The following PDE9A variants were observed in gnomAD, a reference collection of about 807,000 sequenced individuals.
PDE9A encodes the protein phosphodiesterase 9A.
In PDE9A, 60 loss-of-function variants were observed where a neutral mutation model predicts 87.4. The ratio of observed to expected loss-of-function variants is 0.69; its 90% CI spans 0.56 to 0.85. The LOEUF (loss-of-function observed/expected upper bound fraction) is 0.85. PDE9A is among the 40% of genes least tolerant of loss of function. The pLI is 0.00. For synonymous variants in PDE9A, 272 were observed against 279.4 expected (o/e 0.97, Z 0.27); for missense variants, 665 against 779.0 (o/e 0.85, Z 1.74).
chr21:42,699,700 C>T (rs982238392), intron 4 of PDE9A, among the ~76,000 whole-genome samples: 4 of 151,876 alleles, frequency 2.6e-5, no homozygotes, highest in African/African-American at 9.7e-5. Context: ...GGATTACAGG[C>T]GTGCACCACC....
chr21:42,766,582 C>T (rs1602565242), intron 15 of PDE9A, among the ~76,000 whole-genome samples: 1 of 152,208 alleles, frequency 6.6e-6, no homozygotes, highest in Non-Finnish European at 1.5e-5. Flanking sequence ...CTCTCTGGAG[C>T]TGAGGTGCAG....
intron 1 of PDE9A, among the ~76,000 whole-genome samples, chr21:42,658,520 G>A (rs2057260408): frequency 6.6e-6 from 1 of 152,194 alleles, no homozygotes; most frequent in Non-Finnish European, 1.5e-5. Context: ...TCCTGCCCAC[G>A]ACATGGTCAA....
rs371936659 is a variant in PDE9A at position 42,693,588 on chromosome 21, C to CTT, written c.219-5360_219-5359dup. Reference sequence around the variant, plus strand: ...TACAGGCGTGAGCCACCGCGTCCTACTTTTTTTTTTTTTTTTTTTTTGAGA... The same window carrying CTT: ...TACAGGCGTGAGCCACCGCGTCCTACTTTTTTTTTTTTTTTTTTTTTTTGAGA... On this transcript the variant is annotated intron_variant, in intron 3 of 19. Transcript: ENST00000291539. 1.3e-3 allele frequency among the ~76,000 whole-genome samples: 159 copies of CTT among 124,366 alleles called. 1 individual carries two copies. The highest frequency in any genetic ancestry group is 4.2e-3 in the African/African-American group (128 of 30,714). 81.6% of individuals were successfully genotyped at this position (124,366 alleles called of 152,430 possible).
chr21:42,737,553 G>A (rs550947819), intron 7 of PDE9A, among the ~76,000 whole-genome samples: 52 of 152,292 alleles, frequency 3.4e-4, no homozygotes, highest in African/African-American at 9.4e-4. Context: ...TCTGCCCCCC[G>A]AAGACAGGAC....
At chr21:42,699,560 T>C (rs533083123) in intron 4 of PDE9A, among the ~76,000 whole-genome samples, 4 of 102,906 alleles carry the variant, frequency 3.9e-5, no homozygotes, top group African/African-American at 9.4e-5. Context: ...TTTTCTTTTT[T>C]TTTTTTTAAA....
intron 1 of PDE9A, among the ~76,000 whole-genome samples, chr21:42,676,476 C>CT (rs752531879): frequency 1.8e-4 from 28 of 152,212 alleles, no homozygotes; most frequent in Non-Finnish European, 4.0e-4. Context: ...AATCTGTTCT[C>CT]TATCTCTTCA....
At chr21:42,698,712 G>A (rs1410578175) in intron 3 of PDE9A, among the ~76,000 whole-genome samples, 2 of 152,140 alleles carry the variant, frequency 1.3e-5, no homozygotes, top group South Asian at 2.1e-4. Context: ...ATCGGCAGTA[G>A]TACCCATGAC....
chr21:42,769,593 C>T lies in PDE9A; in HGVS notation c.1590+438C>T, dbSNP rs2056796171. Among the ~76,000 whole-genome samples the T allele has an allele frequency of 2.0e-5, 3 of 150,906 alleles. 1 individual carries two copies. The highest frequency in any genetic ancestry group is 6.6e-5 in the Admixed American group (1 of 15,190). On this transcript the variant is annotated intron_variant, in intron 17 of 19. Coordinates refer to ENST00000291539, the MANE Select transcript of PDE9A (RefSeq NM_002606.3). The stretch of plus-strand genomic sequence containing the variant: ...ACACACACATGCACACAGGTACACA[C>T]AGGCACACAAATGCACATGCAGGTA...
At chr21:42,687,171 G>A (rs1009171491) in intron 2 of PDE9A, among the ~76,000 whole-genome samples, 3 of 152,222 alleles carry the variant, frequency 2.0e-5, no homozygotes, top group African/African-American at 7.2e-5. Flanking sequence ...AGTTAGGACG[G>A]AGGTGGAGAA....
chr21:42,705,948 A>G lies in PDE9A; in HGVS notation c.262+6937A>G, dbSNP rs990052298. On this transcript the variant is annotated intron_variant, in intron 4 of 19. Transcript: ENST00000291539. The surrounding 1 kb of genome is among the most constrained non-coding windows in gnomAD (Gnocchi z 4.3). ...GACTCGGAGGCTTCCAGTTCCCAGC[A>G]GCTTTATTGGCGTTGCTGTTTCCAT... Among the ~76,000 whole-genome samples the G allele has an allele frequency of 3.3e-5, 5 of 152,232 alleles. No individual in the cohort carries two copies. The highest frequency in any genetic ancestry group is 9.6e-5 in the African/African-American group (4 of 41,464).
chr21:42,729,583 G>A (rs2051510087), intron 4 of PDE9A, among the ~76,000 whole-genome samples: 1 of 151,990 alleles, frequency 6.6e-6, no homozygotes, highest in South Asian at 2.1e-4. Flanking sequence ...GCTCATGGTG[G>A]GATCTTGGCT....
At chr21:42,765,864 A>G (rs1482021965) in intron 15 of PDE9A, among the ~76,000 whole-genome samples, 1 of 152,210 alleles carries the variant, frequency 6.6e-6, no homozygotes, top group Admixed American at 6.5e-5. Context: ...GGCAACTCCA[A>G]CACAGCTCCC....
At chr21:42,731,488 C>T (rs1347233892) in intron 4 of PDE9A, among the ~76,000 whole-genome samples, 1 of 152,066 alleles carries the variant, frequency 6.6e-6, no homozygotes, top group African/African-American at 2.4e-5. Flanking sequence ...TGGCATTGAG[C>T]CTGGTCAGGA....
intron 14 of PDE9A, among the ~76,000 whole-genome samples, chr21:42,763,963 G>A (rs565203764): frequency 6.6e-6 from 1 of 152,230 alleles, no homozygotes; most frequent in African/African-American, 2.4e-5. Context: ...GAGGCATCAC[G>A]GCCTCTTGCG....
chr21:42,770,910 C>T lies in PDE9A; in HGVS notation c.1686+112C>T, dbSNP rs768849584. 3.9e-5 allele frequency: 29 copies of T among 737,602 alleles called. No individual in the cohort carries two copies. The Admixed American group carries it at 5.0e-4, about 13-fold the overall frequency. The allele number at this position is 737,602 out of a possible 1,614,324, so 45.7% of individuals were successfully genotyped here. ...CCAAGCAGGGCACCACTGAAGGCCC[C>T]GTGGACAGGCACACGTGTACCTTCC... On this transcript the variant is annotated intron_variant, in intron 18 of 19. Coordinates refer to ENST00000291539, the MANE Select transcript of PDE9A (RefSeq NM_002606.3).
At chr21:42,663,368 A>G (rs1417610651) in intron 1 of PDE9A, among the ~76,000 whole-genome samples, 3 of 152,210 alleles carry the variant, frequency 2.0e-5, no homozygotes, top group African/African-American at 7.2e-5. Flanking sequence ...AAGATGACAG[A>G]GAAGTCAGCA....
chr21:42,691,614 A>G (rs2059844520), intron 3 of PDE9A, among the ~76,000 whole-genome samples: 1 of 142,572 alleles, frequency 7.0e-6, no homozygotes, highest in African/African-American at 2.7e-5. Flanking sequence ...CAAAGTTACC[A>G]GCCCCATCAC....
intron 4 of PDE9A, among the ~76,000 whole-genome samples, chr21:42,721,098 T>C (rs1176973392): frequency 1.1e-4 from 16 of 151,872 alleles, no homozygotes; most frequent in Non-Finnish European, 2.9e-5. Flanking sequence ...TTACAGTACC[T>C]TGATCTATAC....
intron 2 of PDE9A, among the ~76,000 whole-genome samples, chr21:42,687,031 C>T (rs934485722): frequency 1.3e-5 from 2 of 152,178 alleles, no homozygotes; most frequent in Admixed American, 6.5e-5. Context: ...TTATCGAGTC[C>T]TCAGAGTCCC....
Sources: gnomAD v4.1 joint callset for allele counts (sites outside exome capture counted in the v4.1 genomes callset) on GRCh38, gnomAD v4.1.1 for gene constraint, Gnocchi (gnomAD v3.1) non-coding constraint, MANE v1.5 for transcripts, NCBI Gene and HGNC (gene_info 2026-07-23, HGNC 2026-07-21) for gene names.